KCND3: variants seen among roughly 807,000 people sequenced by gnomAD.
KCND3 encodes potassium voltage-gated channel subfamily D member 3, also known as A-type voltage-gated potassium channel KCND3.
In KCND3, 9 loss-of-function variants were observed where a neutral mutation model predicts 51.1. The ratio of observed to expected loss-of-function variants is 0.18; its 90% CI spans 0.11 to 0.31. The LOEUF (loss-of-function observed/expected upper bound fraction) is 0.31, where lower values mean the gene tolerates loss of function less well. Among genes scored for constraint, KCND3 ranks in the 10% least tolerant of loss-of-function variants. The pLI is 1.00. For missense variants in KCND3, 526 were observed against 903.8 expected, an observed-to-expected ratio of 0.58 and a Z score of 5.36; for synonymous variants, 349 against 368.0, an observed-to-expected ratio of 0.95 and a Z score of 0.59.
chr1:111,785,748 A>G (rs1664574618), intron 3 of KCND3, among the ~76,000 whole-genome samples: 1 of 152,126 alleles, frequency 6.6e-6, no homozygotes, highest in Non-Finnish European at 1.5e-5. Flanking sequence ...TTCTTCCTCC[A>G]TAACGACATT....
chr1:111,800,567 A>G (rs1317591431), intron 2 of KCND3, among the ~76,000 whole-genome samples: 1 of 151,946 alleles, frequency 6.6e-6, no homozygotes, highest in Non-Finnish European at 1.5e-5. Flanking sequence ...AAAAAAAAAA[A>G]AAAGAAAATT....
At chr1:111,828,630 C>T (rs539534428) in intron 2 of KCND3, among the ~76,000 whole-genome samples, 7 of 152,192 alleles carry the variant, frequency 4.6e-5, no homozygotes, top group Admixed American at 4.6e-4. Context: ...ACTGTTACCC[C>T]AGGTGAGCTC....
chr1:111,878,384 G>C (rs1034153759), intron 2 of KCND3, among the ~76,000 whole-genome samples: 28 of 152,208 alleles, frequency 1.8e-4, no homozygotes, highest in Non-Finnish European at 4.4e-5. Context: ...GGGAGACATG[G>C]GGACTCTGCT....
At chr1:111,841,413 C>T (rs1228805050) in intron 2 of KCND3, among the ~76,000 whole-genome samples, 3 of 148,770 alleles carry the variant, frequency 2.0e-5, no homozygotes, top group Middle Eastern at 3.2e-3. Flanking sequence ...CTCTCTCTTT[C>T]TCAGTAGGTA....
chr1:111,855,773 A>G (rs1169081160), intron 2 of KCND3, among the ~76,000 whole-genome samples: 1 of 152,182 alleles, frequency 6.6e-6, no homozygotes, highest in Non-Finnish European at 1.5e-5. Flanking sequence ...GGCTGCCTAC[A>G]GAGATGTGGG....
intron 2 of KCND3, among the ~76,000 whole-genome samples, chr1:111,876,619 A>C (rs1210671422): frequency 6.6e-6 from 1 of 152,238 alleles, no homozygotes; most frequent in Admixed American, 6.5e-5. Context: ...CCAAACACTC[A>C]TGGGACCTAT....
chr1:111,919,032 C>T (rs775650755), intron 2 of KCND3, among the ~76,000 whole-genome samples: 8 of 151,702 alleles, frequency 5.3e-5, no homozygotes, highest in Non-Finnish European at 1.0e-4. Flanking sequence ...CTGAGCTGTG[C>T]TAGCCCCAGA....
intron 2 of KCND3, among the ~76,000 whole-genome samples, chr1:111,935,498 G>A (rs1672177947): frequency 6.6e-6 from 1 of 152,114 alleles, no homozygotes; most frequent in Non-Finnish European, 1.5e-5. Flanking sequence ...GGAAAAACAT[G>A]TCCTTTTTCC....
intron 2 of KCND3, among the ~76,000 whole-genome samples, chr1:111,864,067 G>A (rs941901374): frequency 3.3e-5 from 5 of 152,040 alleles, no homozygotes; most frequent in East Asian, 1.9e-4. Flanking sequence ...AGAGGAGGAG[G>A]AGCAGGGGTT....
At chr1:111,913,565 C>A (rs989674978) in intron 2 of KCND3, among the ~76,000 whole-genome samples, 1 of 152,048 alleles carries the variant, frequency 6.6e-6, no homozygotes. Flanking sequence ...TAAAGGAATA[C>A]AAAAAGAAAA....
At chr1:111,854,539 G>A (rs1667970964) in intron 2 of KCND3, among the ~76,000 whole-genome samples, 1 of 152,164 alleles carries the variant, frequency 6.6e-6, no homozygotes, top group Non-Finnish European at 1.5e-5. Flanking sequence ...GTCCAGTGGA[G>A]GGGTCAGAGG....
At chr1:111,847,154 A>G (rs1217792709) in intron 2 of KCND3, among the ~76,000 whole-genome samples, 1 of 152,220 alleles carries the variant, frequency 6.6e-6, no homozygotes, top group Non-Finnish European at 1.5e-5. Context: ...TGGCCAGAGA[A>G]ACCGAGAGGC....
chr1:111,949,657 C>G (rs1672958835), intron 2 of KCND3, among the ~76,000 whole-genome samples: 1 of 151,984 alleles, frequency 6.6e-6, no homozygotes. Context: ...CCCCCTTCCC[C>G]CTCCCACCCT....
At chr1:111,963,145 G>C (rs1348060120) in intron 2 of KCND3, among the ~76,000 whole-genome samples, 3 of 152,194 alleles carry the variant, frequency 2.0e-5, no homozygotes, top group Non-Finnish European at 4.4e-5. Flanking sequence ...ACCAGACCAA[G>C]AGAACTGCCG....
In KCND3 at chr1:111,775,718, C is replaced by G. The variant is rs1318674591; in HGVS notation, c.*359G>C. On this transcript the variant is annotated 3_prime_UTR_variant, in exon 8 of 8. Transcript: ENST00000302127. ...GCTGCTCTTGGTCTTGTATTTTCCT[C>G]ACTGGGGTCTCCAGAAACGACTGTT... 2.8e-6 allele frequency: 1 copy of G among 356,706 alleles called. No homozygotes were observed. Among genetic ancestry groups the G allele is most frequent in the Non-Finnish European group, 5.4e-6 (1 of 185,920 alleles). The allele number at this position is 356,706 out of a possible 1,614,324, so 22.1% of individuals were successfully genotyped here. A position where few individuals can be genotyped will look rare whatever the true frequency, so the allele number is the denominator to read the frequency against.
rs759830398 is a variant in KCND3 at position 111,770,789 on chromosome 1, C to T, written c.*5288G>A. On this transcript the variant is annotated 3_prime_UTR_variant, in exon 8 of 8. Coordinates refer to ENST00000302127, the MANE Select transcript of KCND3 (RefSeq NM_001378969.1). ...TATGCACTACAGTTTCAAAAGAAGA[C>T]GACAGGAAACTCAAGGGTGTTTTTT... 9.0e-5 allele frequency: 13 copies of T among 144,362 alleles called. No homozygotes were observed. Among genetic ancestry groups the T allele is most frequent in the East Asian group, 3.9e-4 (2 of 5,068 alleles). 8.9% of individuals were successfully genotyped at this position (144,362 alleles called of 1,614,324 possible).
rs1275266909 is a variant in KCND3, at chr1:111,982,175, G to C, written c.552C>G (p.Val184=). The change falls in exon 2 of 8, where the codon GTC becomes GTG. Residue 184 remains valine (V), a synonymous_variant. Coordinates refer to ENST00000302127, the MANE Select transcript of KCND3 (RefSeq NM_001378969.1). The surrounding 1 kb of genome is among the most constrained non-coding windows in gnomAD (Gnocchi z 8.5). ...ENPHTSTLAL[V]FYYVTGFFIA... Reference sequence around the variant, plus strand: ...TGAAGAAGCCAGTCACGTAGTAGAAGACCAGGGCCAGCGTGCTGGTGTGGG... The same window carrying C: ...TGAAGAAGCCAGTCACGTAGTAGAACACCAGGGCCAGCGTGCTGGTGTGGG... 6 of 1,613,998 alleles carry C rather than the reference G, an allele frequency of 3.7e-6. No homozygotes were observed. In the African/African-American group the frequency reaches 6.7e-5, roughly 18 times the overall value.
At chr1:111,802,437 A>G (rs1015237205) in intron 2 of KCND3, among the ~76,000 whole-genome samples, 2 of 152,230 alleles carry the variant, frequency 1.3e-5, no homozygotes, top group African/African-American at 2.4e-5. Context: ...CCTTGGAGTC[A>G]GAAGTCCCTG....
At chr1:111,797,921 TG>T (rs1307368368) in intron 2 of KCND3, among the ~76,000 whole-genome samples, 2 of 152,288 alleles carry the variant, frequency 1.3e-5, no homozygotes, top group East Asian at 1.9e-4. Context: ...ATGTATTGGA[TG>T]GGGATGAAAG....
Sources: gnomAD v4.1 joint callset for allele counts (sites outside exome capture counted in the v4.1 genomes callset) on GRCh38, gnomAD v4.1.1 for gene constraint, Gnocchi (gnomAD v3.1) non-coding constraint, MANE v1.5 for transcripts, NCBI Gene and HGNC (gene_info 2026-07-23, HGNC 2026-07-21) for gene names.